SND1: variants seen among roughly 807,000 people sequenced by gnomAD.
SND1 encodes the protein staphylococcal nuclease and tudor domain containing 1.
A neutral mutation model predicts 121.7 loss-of-function variants in SND1; 38 were observed. That is an observed-to-expected ratio of 0.31 (90% CI 0.24 to 0.41). SND1 has a LOEUF of 0.41. Ranked by LOEUF, SND1 falls within the 10% of genes least tolerant of loss-of-function variation. The pLI is 1.00. For missense variants in SND1, 868 were observed against 1,184.6 expected (o/e 0.73, Z 3.92); for synonymous variants, 401 against 447.4 (o/e 0.90, Z 1.31).
At chr7:127,959,240 A>T (rs958069783) in intron 15 of SND1, among the ~76,000 whole-genome samples, 2 of 152,030 alleles carry the variant, frequency 1.3e-5, no homozygotes, top group East Asian at 1.9e-4. Context: ...CAGTCTTGGG[A>T]CTCTGCAGTG....
intron 12 of SND1, among the ~76,000 whole-genome samples, chr7:127,847,653 C>T (rs976641531): frequency 6.6e-6 from 1 of 152,156 alleles, no homozygotes; most frequent in Non-Finnish European, 1.5e-5. Context: ...TTACAGTTGT[C>T]CCACACATAT....
intron 16 of SND1, among the ~76,000 whole-genome samples, chr7:127,991,535 T>A (rs1225852678): frequency 6.6e-6 from 1 of 152,246 alleles, no homozygotes; most frequent in Non-Finnish European, 1.5e-5. Flanking sequence ...GGAGTTAGGA[T>A]CTCAGCTGCT....
At chr7:128,063,226 C>T (rs1181381111) in intron 16 of SND1, among the ~76,000 whole-genome samples, 2 of 152,122 alleles carry the variant, frequency 1.3e-5, no homozygotes, top group Admixed American at 6.5e-5. Context: ...CGTGGGAGAC[C>T]GGAGGGAGGC....
At position 128,081,304 on chromosome 7, in the gene SND1, TC is replaced by T. The variant is rs1249942431; in HGVS notation, c.1969-55del. 3.1e-6 allele frequency: 5 copies of T among 1,606,466 alleles called. No homozygotes were observed. The East Asian group carries it at 1.1e-4, about 36-fold the overall frequency. On this transcript the variant is annotated intron_variant, in intron 17 of 23. Transcript: ENST00000354725. ...AGCCACCACGCCTGGCCTCCCAGTGTCTTTTATGACTTCACTTCCTCGCCCT... is the reference window on the plus strand; with the variant it reads ...AGCCACCACGCCTGGCCTCCCAGTGTTTTTATGACTTCACTTCCTCGCCCT...
chr7:127,786,274 G>A (rs1376452622), intron 10 of SND1, among the ~76,000 whole-genome samples: 1 of 151,894 alleles, frequency 6.6e-6, no homozygotes, highest in East Asian at 1.9e-4. Flanking sequence ...TAAATTGATC[G>A]CTATGTATTT....
At chr7:127,759,273 G>C (rs1207936789) in intron 10 of SND1, among the ~76,000 whole-genome samples, 1 of 152,116 alleles carries the variant, frequency 6.6e-6, no homozygotes, top group Non-Finnish European at 1.5e-5. Flanking sequence ...ACATTTCATG[G>C]TGAGGTGCCT....
intron 15 of SND1, among the ~76,000 whole-genome samples, chr7:127,934,739 T>C (rs144564602): frequency 1.4e-4 from 22 of 152,260 alleles, no homozygotes; most frequent in Admixed American, 4.6e-4. Flanking sequence ...GGTTGTTCGT[T>C]TGGTTTTGGA....
At chr7:127,747,211 C>T (rs921641324) in intron 10 of SND1, among the ~76,000 whole-genome samples, 2 of 152,104 alleles carry the variant, frequency 1.3e-5, no homozygotes, top group East Asian at 3.9e-4. Context: ...ATCTCTGTTC[C>T]TTTGAAAATT....
chr7:127,865,173 T>A (rs116450472), intron 12 of SND1, among the ~76,000 whole-genome samples: 1 of 151,410 alleles, frequency 6.6e-6, no homozygotes, highest in African/African-American at 2.4e-5. Context: ...ATTACATTAG[T>A]GTATCCCTCT....
At chr7:127,961,985 C>T (rs1801742858) in intron 15 of SND1, among the ~76,000 whole-genome samples, 1 of 152,128 alleles carries the variant, frequency 6.6e-6, no homozygotes, top group African/African-American at 2.4e-5. Flanking sequence ...TGATCGGATC[C>T]TATAAGTATC....
intron 15 of SND1, among the ~76,000 whole-genome samples, chr7:127,935,097 T>C (rs565370366): frequency 6.6e-6 from 1 of 152,294 alleles, no homozygotes; most frequent in South Asian, 2.1e-4. Flanking sequence ...AAGTCACAGG[T>C]AACCTCTCGG....
At chr7:127,955,269 C>T (rs1161011174) in intron 15 of SND1, among the ~76,000 whole-genome samples, 3 of 152,218 alleles carry the variant, frequency 2.0e-5, no homozygotes, top group African/African-American at 2.4e-5. Context: ...CCTGCCTCTT[C>T]TGGGCACACT....
chr7:127,945,839 T>C (rs1327384045), intron 15 of SND1, among the ~76,000 whole-genome samples: 6 of 152,234 alleles, frequency 3.9e-5, no homozygotes, highest in Admixed American at 2.6e-4. Context: ...CAGGCACCAT[T>C]ACACTACAGT....
At chr7:128,054,049 C>T (rs372293431) in intron 16 of SND1, among the ~76,000 whole-genome samples, 15 of 152,346 alleles carry the variant, frequency 9.8e-5, no homozygotes, top group African/African-American at 3.1e-4. Context: ...CACCACTGAT[C>T]GCCGCTAAGG....
rs545371077 is a variant in SND1 at position 128,020,391 on chromosome 7, C to T, written c.1779+29335C>T. Among the ~76,000 whole-genome samples the T allele has an allele frequency of 1.3e-3, 195 of 152,318 alleles. 5 individuals carry two copies. In the South Asian group the frequency reaches 0.039, roughly 30 times the overall value. ...CCTGGAGTTGTAAGTCATGGTGGCC[C>T]TGCCGGCGCTCAGCAATTGCGCTAG... is the stretch of plus-strand genomic sequence containing the variant. On this transcript the variant is annotated intron_variant, in intron 16 of 23. Coordinates refer to ENST00000354725, the MANE Select transcript of SND1 (RefSeq NM_014390.4).
In SND1 at chr7:128,087,006, T is replaced by G; in HGVS notation, c.2373T>G (p.Ala791=). ...SPAFSTRVLP[A]QATEYAFAFI... The stretch of plus-strand genomic sequence containing the variant: ...CCTTCAGCACTCGGGTGCTGCCAGC[T>G]CAAGCCACGGAGTATGCCTTCGCCT... Residue 791 remains alanine (A), a synonymous_variant, in exon 21 of 24, where the codon GCT becomes GCG. Transcript: ENST00000354725. 6.2e-7 allele frequency: 1 copy of G among 1,614,186 alleles called. No homozygotes were observed.
At chr7:127,877,671 G>T (rs183433598) in intron 12 of SND1, among the ~76,000 whole-genome samples, 1 of 151,978 alleles carries the variant, frequency 6.6e-6, no homozygotes, top group African/African-American at 2.4e-5. Flanking sequence ...GAGCTCAAGG[G>T]ATCCACCCAC....
intron 17 of SND1, among the ~76,000 whole-genome samples, chr7:128,075,570 C>T (rs1461012809): frequency 6.6e-6 from 1 of 152,216 alleles, no homozygotes; most frequent in African/African-American, 2.4e-5. Context: ...TCATTCAGGG[C>T]ATCTCTTGTC....
chr7:127,968,168 C>T (rs1801898988), intron 15 of SND1, among the ~76,000 whole-genome samples: 1 of 152,218 alleles, frequency 6.6e-6, no homozygotes, highest in Non-Finnish European at 1.5e-5. Context: ...CTTTAGATGT[C>T]AGAACAATGT....
Sources: allele counts gnomAD v4.1 joint callset (sites outside exome capture counted in the v4.1 genomes callset), GRCh38; gene constraint gnomAD v4.1.1; transcripts MANE v1.5; gene names NCBI Gene and HGNC (gene_info 2026-07-23, HGNC 2026-07-21).